The following CCDC144A variants were observed in gnomAD, a reference collection of about 807,000 sequenced individuals.
CCDC144A encodes the protein coiled-coil domain-containing protein 144A.
CCDC144A carries 41 observed loss-of-function variants against 143.8 expected under a neutral mutation model. The observed-to-expected ratio is 0.29, with a 90% CI of 0.22 to 0.37. The LOEUF (loss-of-function observed/expected upper bound fraction) is 0.37, where lower values mean the gene tolerates loss of function less well. CCDC144A is among the 10% of genes least tolerant of loss of function. The probability of loss-of-function intolerance (pLI) is 1.00; values close to 1 mark genes in which losing one functional copy is unlikely to be tolerated. For missense variants in CCDC144A, 637 were observed against 1,488.8 expected, an observed-to-expected ratio of 0.43 and a Z score of 9.41; for synonymous variants, 242 against 517.9, an observed-to-expected ratio of 0.47 and a Z score of 7.23.
intron 12 of CCDC144A, among the ~76,000 whole-genome samples, chr17:16,756,712 G>A (rs1465789751): frequency 3.3e-5 from 5 of 151,458 alleles, no homozygotes; most frequent in Non-Finnish European, 7.4e-5. Flanking sequence ...CATACTTCTT[G>A]TGTCCTTAAT....
At position 16,724,787 on chromosome 17, in the gene CCDC144A, A is replaced by ATTTTTTTTTT. The variant is rs760344292; in HGVS notation, c.1892-2713_1892-2704dup. Among the ~76,000 whole-genome samples, 10 of 35,112 alleles carry ATTTTTTTTTT rather than the reference A, an allele frequency of 2.8e-4. 1 individual carries two copies. Among genetic ancestry groups the ATTTTTTTTTT allele is most frequent in the African/African-American group, 6.5e-4 (6 of 9,254 alleles). 23.0% of individuals were successfully genotyped at this position (35,112 alleles called of 152,430 possible). On this transcript the variant is annotated intron_variant, in intron 8 of 16. Coordinates refer to ENST00000399273, the MANE Select transcript of CCDC144A (RefSeq NM_001382000.1). ...AGATTACACGTTCTTGATTAACTGA[A>ATTTTTTTTTT]TTTTTTTTTTTTTTTTTTTTTTTTT...
intron 15 of CCDC144A, among the ~76,000 whole-genome samples, chr17:16,768,263 T>C (rs1005136739): frequency 3.3e-5 from 5 of 152,246 alleles, no homozygotes; most frequent in Admixed American, 1.3e-4. Flanking sequence ...ATAAACTTAT[T>C]TGTGGAGGCC....
At chr17:16,708,612 T>G in intron 4 of CCDC144A, 184 bp from the exon 5 acceptor site, 1 of 705,696 alleles carries the variant, frequency 1.4e-6, no homozygotes, top group Non-Finnish European at 2.3e-6. Context: ...AGCCAGTGAT[T>G]TGGGAGTAGC....
Position 16,724,787 on chromosome 17 carries a change from A to ATTTTTTTTTTTTTTTTT in CCDC144A, c.1892-2720_1892-2704dup, listed in dbSNP as rs760344292. On this transcript the variant is annotated intron_variant, in intron 8 of 16. Transcript: ENST00000399273. The stretch of plus-strand genomic sequence containing the variant: ...AGATTACACGTTCTTGATTAACTGA[A>ATTTTTTTTTTTTTTTTT]TTTTTTTTTTTTTTTTTTTTTTTTT... 2.6e-4 allele frequency among the ~76,000 whole-genome samples: 9 copies of ATTTTTTTTTTTTTTTTT among 35,112 alleles called. 1 individual carries two copies. The highest frequency in any genetic ancestry group is 5.4e-4 in the African/African-American group (5 of 9,254). The allele number at this position is 35,112 out of a possible 152,430, so 23.0% of individuals were successfully genotyped here.
At chr17:16,681,816 G>A in the CCDC144A span, among the ~76,000 whole-genome samples, 8 of 151,090 alleles carry the variant, frequency 5.3e-5, no homozygotes, top group East Asian at 1.6e-3. Flanking sequence ...CCCAGATTGC[G>A]CCACTACACT....
intron 12 of CCDC144A, chr17:16,745,996 A>T: frequency 6.2e-7 from 1 of 1,610,854 alleles, no homozygotes; most frequent in Non-Finnish European, 8.5e-7. Flanking sequence ...TGTGATTCAG[A>T]TTCTTGTTCT....
chr17:16,699,476 C>G (rs1465011399), intron 2 of CCDC144A, among the ~76,000 whole-genome samples: 1 of 108,188 alleles, frequency 9.2e-6, no homozygotes, highest in Non-Finnish European at 1.8e-5. Flanking sequence ...CCCGGGTTCA[C>G]ACCATTCTCC....
chr17:16,734,012 G>T (rs1913877973), intron 11 of CCDC144A, among the ~76,000 whole-genome samples: 1 of 151,988 alleles, frequency 6.6e-6, no homozygotes, highest in Admixed American at 6.6e-5. Context: ...GTGGGGGTGT[G>T]TGCCTCTAGT....
chr17:16,740,618 A>G (rs1174568302), intron 12 of CCDC144A, among the ~76,000 whole-genome samples: 1 of 152,184 alleles, frequency 6.6e-6, no homozygotes, highest in Non-Finnish European at 1.5e-5. Flanking sequence ...TAAAGGGGAA[A>G]TTGCATTTAA....
At chr17:16,754,433 C>T (rs1048818897) in intron 12 of CCDC144A, among the ~76,000 whole-genome samples, 5 of 152,264 alleles carry the variant, frequency 3.3e-5, no homozygotes, top group African/African-American at 1.2e-4. Flanking sequence ...TTGTCACTTT[C>T]TATAGGGATT....
chr17:16,752,246 A>G (rs1215796536), intron 12 of CCDC144A, among the ~76,000 whole-genome samples: 2 of 152,190 alleles, frequency 1.3e-5, no homozygotes, highest in Non-Finnish European at 2.9e-5. Flanking sequence ...TGAGGGATCT[A>G]GGTTGCGTGC....
the CCDC144A span, among the ~76,000 whole-genome samples, chr17:16,671,485 C>G: frequency 6.6e-6 from 1 of 151,950 alleles, no homozygotes; most frequent in African/African-American, 2.4e-5. Context: ...GTAGTACTTT[C>G]TCTTTAAATA....
At chr17:16,709,780 T>G in intron 5 of CCDC144A, 145 bp downstream of exon 5, 2 of 1,242,708 alleles carry the variant, frequency 1.6e-6, no homozygotes, top group Non-Finnish European at 2.2e-6. Context: ...GATTTCTAAG[T>G]AATAGGAGTT....
At chr17:16,671,050 G>A in the CCDC144A span, among the ~76,000 whole-genome samples, 8 of 151,152 alleles carry the variant, frequency 5.3e-5, no homozygotes, top group East Asian at 7.9e-4. Context: ...GCATTGGCAC[G>A]ATCTCAGCTC....
At chr17:16,699,255 C>T (rs1228935187) in intron 2 of CCDC144A, among the ~76,000 whole-genome samples, 3 of 149,136 alleles carry the variant, frequency 2.0e-5, no homozygotes, top group African/African-American at 7.5e-5. Context: ...AATATGTGGT[C>T]AATTGGATTA....
intron 12 of CCDC144A, among the ~76,000 whole-genome samples, chr17:16,754,242 A>G (rs528502400): frequency 2.0e-5 from 3 of 152,266 alleles, no homozygotes; most frequent in Non-Finnish European, 4.4e-5. Flanking sequence ...TTGCTTTATT[A>G]GTCTACCTCA....
At chr17:16,766,935 C>T (rs1369589878) in intron 15 of CCDC144A, 1 of 151,988 alleles carries the variant, frequency 6.6e-6, no homozygotes, top group African/African-American at 2.4e-5. Flanking sequence ...TACCTAGTTT[C>T]CTTGTGGGGC....
chr17:16,694,423 C>G (rs1362731210), intron 2 of CCDC144A, among the ~76,000 whole-genome samples: 1 of 152,098 alleles, frequency 6.6e-6, no homozygotes, highest in Non-Finnish European at 1.5e-5. Flanking sequence ...TCTACAAAAA[C>G]AAATAAAAAA....
the CCDC144A span, among the ~76,000 whole-genome samples, chr17:16,676,525 A>G: frequency 6.6e-6 from 1 of 151,782 alleles, no homozygotes; most frequent in African/African-American, 2.4e-5. Context: ...AAAAAAAAAA[A>G]ACACAAAAAA....
Sources: gnomAD v4.1 joint callset for allele counts (sites outside exome capture counted in the v4.1 genomes callset) on GRCh38, gnomAD v4.1.1 for gene constraint, MANE v1.5 for transcripts, NCBI Gene and HGNC (gene_info 2026-07-23, HGNC 2026-07-21) for gene names.